SGIP1: variants seen among roughly 807,000 people sequenced by gnomAD.
SGIP1 encodes the protein SH3GL interacting endocytic adaptor 1.
SGIP1 carries 38 observed loss-of-function variants against 107.5 expected under a neutral mutation model. The observed-to-expected ratio is 0.35, with a 90% CI of 0.27 to 0.46. The LOEUF (loss-of-function observed/expected upper bound fraction) is 0.46, where lower values mean the gene tolerates loss of function less well. Among genes scored for constraint, SGIP1 ranks in the 20% least tolerant of loss-of-function variants. The probability of loss-of-function intolerance (pLI) is 1.00; values close to 1 mark genes in which losing one functional copy is unlikely to be tolerated. For missense variants in SGIP1, 929 were observed against 1,019.5 expected (o/e 0.91, Z 1.21); for synonymous variants, 365 against 366.1 (o/e 1.00, Z 0.03).
intron 1 of SGIP1, among the ~76,000 whole-genome samples, chr1:66,611,704 A>G (rs1175825265): frequency 6.6e-6 from 1 of 152,200 alleles, no homozygotes; most frequent in Non-Finnish European, 1.5e-5. Context: ...TGGACACAAG[A>G]AAGAGACCTA....
intron 1 of SGIP1, among the ~76,000 whole-genome samples, chr1:66,604,320 A>G (rs1434109835): frequency 6.6e-6 from 1 of 152,226 alleles, no homozygotes; most frequent in East Asian, 1.9e-4. Flanking sequence ...ATGCACCAGC[A>G]AAAGGAAGAT....
intron 1 of SGIP1, among the ~76,000 whole-genome samples, chr1:66,581,581 C>G (rs567331118): frequency 6.6e-6 from 1 of 151,906 alleles, no homozygotes. Flanking sequence ...ATGATTAAAT[C>G]CATCTCTATA....
At chr1:66,574,906 C>T (rs12741427) in intron 1 of SGIP1, among the ~76,000 whole-genome samples, 26,331 of 152,106 alleles carry the variant, frequency 0.17, 2,710 homozygotes, top group East Asian at 0.45. Context: ...TATTTTGGAG[C>T]GTTAAACTAT....
At chr1:66,694,757 CTT>C in intron 17 of SGIP1, 1 of 378,398 alleles carries the variant, frequency 2.6e-6, no homozygotes. Context: ...GATGCTATTG[CTT>C]TGTGAATTTA....
intron 1 of SGIP1, 65 bp from the exon 2 acceptor site, chr1:66,625,782 C>T: frequency 6.9e-7 from 1 of 1,454,166 alleles, no homozygotes; most frequent in Non-Finnish European, 9.6e-7. Context: ...TGTGTTACAA[C>T]CTTCAAAATA....
intron 22 of SGIP1, among the ~76,000 whole-genome samples, chr1:66,740,234 A>G (rs1304729836): frequency 6.6e-6 from 1 of 152,218 alleles, no homozygotes; most frequent in Non-Finnish European, 1.5e-5. Context: ...TCTATTATAA[A>G]GGACTTGTTC....
intron 15 of SGIP1, among the ~76,000 whole-genome samples, chr1:66,685,451 G>A (rs1022966534): frequency 2.0e-5 from 3 of 152,214 alleles, no homozygotes; most frequent in Non-Finnish European, 2.9e-5. Context: ...CTTCTCCCAT[G>A]TGGGTTGTGT....
chr1:66,626,137 C>CTTTTTTTTTTTTT (rs35959436), intron 2 of SGIP1: 115 of 121,878 alleles, frequency 9.4e-4, no homozygotes, highest in African/African-American at 2.0e-3. Context: ...TTCTTTCTTT[C>CTTTTTTTTTTTTT]TTTTTTTTTT....
In SGIP1 at chr1:66,567,946, C is replaced by T. The variant is rs534044027; in HGVS notation, c.10+33578C>T. Among the ~76,000 whole-genome samples the T allele has an allele frequency of 3.9e-5, 6 of 152,228 alleles. No individual in the cohort carries two copies. In the South Asian group the frequency reaches 1.0e-3, roughly 26 times the overall value. ...TTGAAGTCAGGTAGCATGATGCCTC[C>T]AGCTTTGTTCTTTTTGCTTAGGATT... On this transcript the variant is annotated intron_variant, in intron 1 of 24. Transcript: ENST00000371037.
intron 7 of SGIP1, among the ~76,000 whole-genome samples, chr1:66,645,331 T>C (rs1208472317): frequency 6.6e-6 from 1 of 152,212 alleles, no homozygotes; most frequent in Non-Finnish European, 1.5e-5. Flanking sequence ...ATGCCTAAGT[T>C]TTCTGGTAGC....
At chr1:66,684,164 G>A in intron 15 of SGIP1, 2 of 1,550,554 alleles carry the variant, frequency 1.3e-6, no homozygotes, top group Non-Finnish European at 8.7e-7. Context: ...CAAGCTGGAG[G>A]CAATGAACTG....
At chr1:66,713,675 C>G (rs536428571) in intron 18 of SGIP1, among the ~76,000 whole-genome samples, 2 of 152,184 alleles carry the variant, frequency 1.3e-5, no homozygotes, top group African/African-American at 4.8e-5. Flanking sequence ...GAAGGATATG[C>G]CTCATACATT....
At chr1:66,644,460 T>C (rs543492953) in intron 7 of SGIP1, among the ~76,000 whole-genome samples, 112 of 152,320 alleles carry the variant, frequency 7.4e-4, no homozygotes, top group Non-Finnish European at 1.3e-3. Flanking sequence ...GCCTTTTCTC[T>C]GTTTGATAAA....
intron 7 of SGIP1, among the ~76,000 whole-genome samples, chr1:66,655,366 C>A (rs944819866): frequency 1.3e-5 from 2 of 152,122 alleles, no homozygotes; most frequent in African/African-American, 4.8e-5. Context: ...GCCTACCCTG[C>A]CCACCTTATA....
chr1:66,609,862 C>A (rs1013362989), intron 1 of SGIP1, among the ~76,000 whole-genome samples: 3 of 152,180 alleles, frequency 2.0e-5, no homozygotes, highest in African/African-American at 7.2e-5. Context: ...TAACTTCATT[C>A]AGATTTGGCA....
intron 1 of SGIP1, among the ~76,000 whole-genome samples, chr1:66,550,472 T>C (rs1283745920): frequency 6.6e-6 from 1 of 152,072 alleles, no homozygotes; most frequent in African/African-American, 2.4e-5. Context: ...AGAACAGCCC[T>C]AGATCTCTGG....
intron 19 of SGIP1, among the ~76,000 whole-genome samples, chr1:66,728,600 G>T (rs769478928): frequency 6.6e-6 from 1 of 152,086 alleles, no homozygotes; most frequent in African/African-American, 2.4e-5. Flanking sequence ...TCCCATTACC[G>T]GTTATATTCC....
At chr1:66,727,013 G>A (rs1037818927) in intron 19 of SGIP1, among the ~76,000 whole-genome samples, 22 of 152,038 alleles carry the variant, frequency 1.4e-4, no homozygotes, top group South Asian at 2.1e-4. Context: ...TGTGACCTTC[G>A]GTTTGGCAAA....
intron 17 of SGIP1, among the ~76,000 whole-genome samples, chr1:66,691,328 G>A (rs1452434915): frequency 6.6e-6 from 1 of 152,122 alleles, no homozygotes; most frequent in Admixed American, 6.5e-5. Flanking sequence ...AGCTCTTCTG[G>A]AGAAAGAACT....
Sources: allele counts gnomAD v4.1 joint callset (sites outside exome capture counted in the v4.1 genomes callset), GRCh38; gene constraint gnomAD v4.1.1; transcripts MANE v1.5; gene names NCBI Gene and HGNC (gene_info 2026-07-23, HGNC 2026-07-21).